Variants in RORA observed in about 807,000 individuals in gnomAD.
RORA encodes the protein nuclear receptor ROR-alpha.
Under a neutral mutation model 69.5 loss-of-function variants are expected in RORA, and 7 were observed. The ratio of observed to expected loss-of-function variants is 0.10; its 90% confidence interval spans 0.06 to 0.19. The LOEUF (loss-of-function observed/expected upper bound fraction) is 0.19. Ranked by LOEUF, RORA falls within the 10% of genes least tolerant of loss-of-function variation. RORA has a pLI of 1.00. For synonymous variants in RORA, 261 were observed against 240.8 expected, an observed-to-expected ratio of 1.08 and a Z score of -0.78; for missense variants, 457 against 663.0, an observed-to-expected ratio of 0.69 and a Z score of 3.41.
intron 1 of RORA, among the ~76,000 whole-genome samples, chr15:60,720,822 A>C (rs563973252): frequency 6.6e-6 from 1 of 152,190 alleles, no homozygotes; most frequent in South Asian, 2.1e-4. Context: ...AATTTCCCAG[A>C]GTTTGTGGGT....
Position 60,531,783 on chromosome 15 carries a change from T to C in RORA, c.265A>G (p.Thr89Ala). ...KSSGIHYGVI[T>A]CEGCKGFFRR... ...AGGCTTACCTTGCAGCCTTCACATG[T>C]AATGACACCATAATGGATTCCTGAT... Residue 89 changes from threonine (T) to alanine (A), a missense_variant, in exon 3 of 11, where the codon ACA becomes GCA. Coordinates refer to ENST00000335670, the MANE Select transcript of RORA (RefSeq NM_134261.3). This position sits in a 1 kb window ranked among gnomAD's most constrained non-coding sequence, Gnocchi z 4.8. 6.3e-7 allele frequency: 1 copy of C among 1,584,576 alleles called. No individual in the cohort carries two copies. Among genetic ancestry groups the C allele is most frequent in the East Asian group, 2.3e-5 (1 of 43,494 alleles).
chr15:60,900,132 C>A (rs72752725), intron 1 of RORA, among the ~76,000 whole-genome samples: 2 of 152,120 alleles, frequency 1.3e-5, no homozygotes, highest in Non-Finnish European at 2.9e-5. Context: ...CATCATTTGG[C>A]GCTTTTTGAC....
chr15:61,170,196 T>C (rs2079573375), intron 1 of RORA, among the ~76,000 whole-genome samples: 1 of 152,178 alleles, frequency 6.6e-6, no homozygotes, highest in Non-Finnish European at 1.5e-5. Flanking sequence ...TCAACACAAA[T>C]CTACTAACTG....
At chr15:61,169,213 C>A (rs1452657380) in intron 1 of RORA, among the ~76,000 whole-genome samples, 1 of 152,026 alleles carries the variant, frequency 6.6e-6, no homozygotes, top group Non-Finnish European at 1.5e-5. Flanking sequence ...TCCAGCCTCC[C>A]TTCGCCTTAA....
At chr15:61,029,638 T>C (rs1467264824) in intron 1 of RORA, among the ~76,000 whole-genome samples, 1 of 152,128 alleles carries the variant, frequency 6.6e-6, no homozygotes, top group Admixed American at 6.5e-5. Flanking sequence ...TAGAAAGATG[T>C]GTAAGATGTT....
chr15:60,959,684 T>C (rs925724745), intron 1 of RORA, among the ~76,000 whole-genome samples: 5 of 152,134 alleles, frequency 3.3e-5, no homozygotes, highest in Non-Finnish European at 7.3e-5. Flanking sequence ...TTTCCACATT[T>C]AGTGGGCCAT....
At chr15:61,122,238 C>T (rs2079110641) in intron 1 of RORA, among the ~76,000 whole-genome samples, 1 of 152,134 alleles carries the variant, frequency 6.6e-6, no homozygotes, top group South Asian at 2.1e-4. Flanking sequence ...CTTCACTCCC[C>T]GTTCTATTTC....
chr15:60,702,012 A>G (rs1337038796), intron 1 of RORA, among the ~76,000 whole-genome samples: 1 of 152,168 alleles, frequency 6.6e-6, no homozygotes, highest in Non-Finnish European at 1.5e-5. Context: ...AGTTTTCACA[A>G]ACTGGTGGAG....
At chr15:60,529,433 T>C (rs1249577491) in intron 3 of RORA, 1 of 152,228 alleles carries the variant, frequency 6.6e-6, no homozygotes, top group Non-Finnish European at 1.5e-5. Flanking sequence ...ACAAAGAGTA[T>C]ATGTATCAAA....
chr15:61,018,300 C>T (rs1895375558), intron 1 of RORA, among the ~76,000 whole-genome samples: 1 of 152,140 alleles, frequency 6.6e-6, no homozygotes, highest in South Asian at 2.1e-4. Context: ...CTGTGACTTG[C>T]TCTGTGTCCT....
At chr15:61,093,181 A>C (rs2078734164) in intron 1 of RORA, among the ~76,000 whole-genome samples, 1 of 152,224 alleles carries the variant, frequency 6.6e-6, no homozygotes, top group Admixed American at 6.5e-5. Context: ...CAAAGAGATA[A>C]GGAAACAAAA....
At chr15:60,575,032 G>T (rs1238465187) in intron 2 of RORA, among the ~76,000 whole-genome samples, 2 of 152,036 alleles carry the variant, frequency 1.3e-5, no homozygotes, top group African/African-American at 4.8e-5. Flanking sequence ...TTTATGTGGT[G>T]ATTAGGCAAC....
At chr15:60,867,375 T>G (rs1392648134) in intron 1 of RORA, among the ~76,000 whole-genome samples, 1 of 152,180 alleles carries the variant, frequency 6.6e-6, no homozygotes, top group East Asian at 1.9e-4. Flanking sequence ...CTGTGGGATC[T>G]GATGCTATTT....
chr15:60,888,974 A>C (rs2073782189), intron 1 of RORA, among the ~76,000 whole-genome samples: 1 of 152,206 alleles, frequency 6.6e-6, no homozygotes, highest in East Asian at 1.9e-4. Context: ...ATGCGTCTTC[A>C]ATTGTACAGA....
intron 1 of RORA, among the ~76,000 whole-genome samples, chr15:60,969,646 T>C (rs1893654374): frequency 6.6e-6 from 1 of 152,192 alleles, no homozygotes; most frequent in Non-Finnish European, 1.5e-5. Flanking sequence ...CTGATCATCA[T>C]TATCTCCGAT....
chr15:60,859,937 T>C (rs553355705), intron 1 of RORA, among the ~76,000 whole-genome samples: 112 of 152,240 alleles, frequency 7.4e-4, no homozygotes, highest in Middle Eastern at 3.4e-3. Flanking sequence ...CATAAACTCC[T>C]TGAAGTTCAG....
chr15:60,518,693 G>T (rs2066051187), intron 3 of RORA, among the ~76,000 whole-genome samples: 1 of 152,230 alleles, frequency 6.6e-6, no homozygotes, highest in Non-Finnish European at 1.5e-5. Flanking sequence ...TAATGATTCA[G>T]ACTAGCTACT....
chr15:60,978,152 A>G (rs1027203907), intron 1 of RORA, among the ~76,000 whole-genome samples: 92 of 151,988 alleles, frequency 6.1e-4, no homozygotes, highest in African/African-American at 1.7e-3. Flanking sequence ...CATCATCATC[A>G]TCAAGATCAT....
At chr15:61,173,001 T>C (rs2079599078) in intron 1 of RORA, among the ~76,000 whole-genome samples, 1 of 152,220 alleles carries the variant, frequency 6.6e-6, no homozygotes. Context: ...TATATAATTA[T>C]TTTTCCATGA....
Sources: gnomAD v4.1 joint callset for allele counts (sites outside exome capture counted in the v4.1 genomes callset) on GRCh38, gnomAD v4.1.1 for gene constraint, Gnocchi (gnomAD v3.1) non-coding constraint, MANE v1.5 for transcripts, NCBI Gene and HGNC (gene_info 2026-07-23, HGNC 2026-07-21) for gene names.